The following TXNRD1 variants were observed in gnomAD, a reference collection of about 807,000 sequenced individuals.
TXNRD1 encodes thioredoxin reductase 1.
In TXNRD1, 57 loss-of-function variants were observed where a neutral mutation model predicts 80.3. The ratio of observed to expected loss-of-function variants is 0.71; its 90% CI spans 0.57 to 0.89. The LOEUF (loss-of-function observed/expected upper bound fraction) is 0.89. Among genes scored for constraint, TXNRD1 ranks in the 40% least tolerant of loss-of-function variants. The pLI, the probability that TXNRD1 is intolerant of heterozygous loss-of-function variation, is 0.00. For missense variants in TXNRD1, 730 were observed against 803.0 expected (o/e 0.91, Z 1.10); for synonymous variants, 291 against 285.2 (o/e 1.02, Z -0.20).
At chr12:104,287,223 G>T in intron 3 of TXNRD1, 1 of 1,611,278 alleles carries the variant, frequency 6.2e-7, no homozygotes, top group South Asian at 1.1e-5. Flanking sequence ...AGCAGTGTGC[G>T]TCTCGGGGAA....
Position 104,275,970 on chromosome 12 carries a change from TAACA to T in TXNRD1, c.305-12960_305-12957del, listed in dbSNP as rs1408158881. Among the ~76,000 whole-genome samples the T allele has an allele frequency of 3.3e-5, 5 of 152,268 alleles. No homozygotes were observed. The East Asian group carries it at 9.6e-4, about 29-fold the overall frequency. ...ATGAGTAAACAAAGGCACAGAGAGG[TAACA>T]GAAGTTGCCTAAGGGCACACAGTTT... On this transcript the variant is annotated intron_variant, in intron 3 of 16. Transcript: ENST00000525566.
chr12:104,262,636 A>G (rs940030322), intron 3 of TXNRD1: 2 of 152,248 alleles, frequency 1.3e-5, no homozygotes, highest in Middle Eastern at 3.2e-3. Flanking sequence ...AGTATTTGGC[A>G]TAGAATCACA....
chr12:104,219,884 C>T (rs774859569), intron 1 of TXNRD1, among the ~76,000 whole-genome samples: 1 of 151,864 alleles, frequency 6.6e-6, no homozygotes, highest in Non-Finnish European at 1.5e-5. Context: ...TTTCAAAGTG[C>T]GGTCCTAAGA....
At chr12:104,275,252 T>G (rs954085941) in intron 3 of TXNRD1, among the ~76,000 whole-genome samples, 3 of 150,936 alleles carry the variant, frequency 2.0e-5, no homozygotes, top group African/African-American at 7.3e-5. Flanking sequence ...CACTCCAGCC[T>G]GGGCAACAAG....
chr12:104,230,684 A>C (rs1433077848), intron 1 of TXNRD1, among the ~76,000 whole-genome samples: 1 of 152,166 alleles, frequency 6.6e-6, no homozygotes, highest in Non-Finnish European at 1.5e-5. Flanking sequence ...TAAGGAGCAG[A>C]AAGTTTAATA....
chr12:104,326,881 G>A (rs1045247206), intron 12 of TXNRD1, among the ~76,000 whole-genome samples: 4 of 152,026 alleles, frequency 2.6e-5, no homozygotes, highest in Admixed American at 2.6e-4. Flanking sequence ...TGTCACCCAG[G>A]CTGGAGTGCA....
At chr12:104,251,152 G>C (rs550265337) in intron 1 of TXNRD1, among the ~76,000 whole-genome samples, 9 of 152,184 alleles carry the variant, frequency 5.9e-5, no homozygotes, top group Admixed American at 3.9e-4. Flanking sequence ...GGGGACATCT[G>C]TCTGACATTT....
At chr12:104,295,042 A>G (rs761346809) in intron 4 of TXNRD1, among the ~76,000 whole-genome samples, 9 of 152,188 alleles carry the variant, frequency 5.9e-5, no homozygotes, top group Non-Finnish European at 1.2e-4. Context: ...ATTGCTTTGA[A>G]GATGAGGGAA....
chr12:104,340,549 T>C (rs2036287029), intron 16 of TXNRD1, among the ~76,000 whole-genome samples: 1 of 152,186 alleles, frequency 6.6e-6, no homozygotes, highest in Admixed American at 6.5e-5. Flanking sequence ...CCCTTGCCTC[T>C]TCTTCTGTCT....
intron 4 of TXNRD1, among the ~76,000 whole-genome samples, chr12:104,300,441 G>A (rs1189825776): frequency 1.3e-5 from 2 of 152,156 alleles, no homozygotes; most frequent in Non-Finnish European, 2.9e-5. Context: ...GTACCAGTGC[G>A]CTTCTTGCTT....
intron 1 of TXNRD1, among the ~76,000 whole-genome samples, chr12:104,220,294 A>C (rs1437950460): frequency 3.3e-5 from 5 of 152,222 alleles, no homozygotes; most frequent in African/African-American, 9.6e-5. Flanking sequence ...ATAATTGTAG[A>C]GTAATCTTGC....
At chr12:104,325,292 T>C in intron 10 of TXNRD1, 45 bp from the exon 11 acceptor site, 1 of 1,475,384 alleles carries the variant, frequency 6.8e-7, no homozygotes, top group Non-Finnish European at 9.4e-7. Context: ...GAATCCAACT[T>C]GATAAATGTC....
intron 3 of TXNRD1, chr12:104,286,649 T>G: frequency 2.4e-6 from 2 of 842,660 alleles, no homozygotes; most frequent in Non-Finnish European, 2.9e-6. Context: ...CATCAGAATG[T>G]CTAGGGGTGG....
At chr12:104,333,940 A>G (rs1172916050) in intron 14 of TXNRD1, among the ~76,000 whole-genome samples, 1 of 152,198 alleles carries the variant, frequency 6.6e-6, no homozygotes, top group East Asian at 1.9e-4. Context: ...AATGTATGAC[A>G]GCAGGTAATT....
At chr12:104,250,694 T>C (rs1051814466) in intron 1 of TXNRD1, among the ~76,000 whole-genome samples, 4 of 152,206 alleles carry the variant, frequency 2.6e-5, no homozygotes, top group Admixed American at 6.5e-5. Flanking sequence ...AAATATCAAC[T>C]ATGAAGATGA....
chr12:104,277,381 C>T (rs2033778318), intron 3 of TXNRD1, among the ~76,000 whole-genome samples: 1 of 136,694 alleles, frequency 7.3e-6, no homozygotes, highest in South Asian at 2.3e-4. Context: ...GCCTGGGCAA[C>T]AAAGTAAGAC....
chr12:104,304,756 G>A (rs530625247), intron 4 of TXNRD1: 22 of 1,613,840 alleles, frequency 1.4e-5, no homozygotes, highest in Non-Finnish European at 1.8e-5. Context: ...CAAGAATAAG[G>A]CTTGATGAAG....
intron 14 of TXNRD1, 28 bp downstream of exon 14, chr12:104,331,669 G>A (rs1254706389): frequency 5.6e-6 from 8 of 1,424,428 alleles, no homozygotes; most frequent in African/African-American, 1.4e-5. Context: ...TTTCTCCTAT[G>A]TTATATCACT....
intron 1 of TXNRD1, among the ~76,000 whole-genome samples, chr12:104,227,203 A>T (rs946572632): frequency 6.6e-6 from 1 of 152,112 alleles, no homozygotes; most frequent in Non-Finnish European, 1.5e-5. Flanking sequence ...TTTTATTTTT[A>T]AAATTGGTAT....
Sources: allele counts gnomAD v4.1 joint callset (sites outside exome capture counted in the v4.1 genomes callset), GRCh38; gene constraint gnomAD v4.1.1; transcripts MANE v1.5; gene names NCBI Gene and HGNC (gene_info 2026-07-23, HGNC 2026-07-21).